Variants in CTNNA2 observed in about 807,000 individuals in gnomAD.
CTNNA2 encodes catenin alpha-2.
In CTNNA2, 42 loss-of-function variants were observed where a neutral mutation model predicts 101.0. The ratio of observed to expected loss-of-function variants is 0.42; its 90% CI spans 0.32 to 0.54. The LOEUF (loss-of-function observed/expected upper bound fraction) is 0.54, where lower values mean the gene tolerates loss of function less well. Among genes scored for constraint, CTNNA2 ranks in the 20% least tolerant of loss-of-function variants. CTNNA2 has a pLI of 0.14. For synonymous variants in CTNNA2, 450 were observed against 456.4 expected, an observed-to-expected ratio of 0.99 and a Z score of 0.18; for missense variants, 871 against 1,223.1, an observed-to-expected ratio of 0.71 and a Z score of 4.29.
At chr2:79,463,483 A>T (rs1670901167) in intron 4 of CTNNA2, among the ~76,000 whole-genome samples, 1 of 151,956 alleles carries the variant, frequency 6.6e-6, no homozygotes, top group Admixed American at 6.6e-5. Context: ...GAGTTGACAT[A>T]TATTGTGATG....
intron 7 of CTNNA2, among the ~76,000 whole-genome samples, chr2:80,011,530 A>C (rs974207096): frequency 6.6e-6 from 1 of 152,086 alleles, no homozygotes; most frequent in East Asian, 1.9e-4. Flanking sequence ...TAACTTCAAA[A>C]AAAGAACATC....
chr2:79,886,885 G>A (rs546408294), intron 6 of CTNNA2, among the ~76,000 whole-genome samples: 17 of 151,416 alleles, frequency 1.1e-4, no homozygotes, highest in Non-Finnish European at 2.1e-4. Flanking sequence ...GGAGTGCAGT[G>A]GCATGATCTC....
intron 1 of CTNNA2, among the ~76,000 whole-genome samples, chr2:79,646,524 C>CTTTTTTTTTT (rs67454188): frequency 3.8e-5 from 4 of 106,136 alleles, no homozygotes; most frequent in African/African-American, 7.2e-5. Context: ...TTCTTTCTGT[C>CTTTTTTTTTT]TTTTTTTTTT....
intron 12 of CTNNA2, among the ~76,000 whole-genome samples, chr2:80,567,337 G>A (rs1336549551): frequency 6.6e-6 from 1 of 151,414 alleles, no homozygotes; most frequent in Non-Finnish European, 1.5e-5. Context: ...TATGGCTTCA[G>A]TTTGGGGTAG....
chr2:80,255,934 A>G (rs1672107095), intron 7 of CTNNA2, among the ~76,000 whole-genome samples: 1 of 152,158 alleles, frequency 6.6e-6, no homozygotes, highest in African/African-American at 2.4e-5. Context: ...TGGCAGGTGG[A>G]ATATTCCCAA....
Position 79,914,139 on chromosome 2 carries a change from C to G in CTNNA2, c.1056+4342C>G, listed in dbSNP as rs1444486918. ...CCGAGATCCCGCCACTGCACTCCAG[C>G]CTGGGCGACAGAGCGAGACTCCGTC... On this transcript the variant is annotated intron_variant, in intron 7 of 18. Coordinates refer to ENST00000402739, the MANE Select transcript of CTNNA2 (RefSeq NM_001282597.3). Among the ~76,000 whole-genome samples, 67 of 142,364 alleles carry G rather than the reference C, an allele frequency of 4.7e-4. 1 individual carries two copies. Among genetic ancestry groups the G allele is most frequent in the Admixed American group, 2.6e-3 (33 of 12,872 alleles). The allele number at this position is 142,364 out of a possible 152,430, so 93.4% of individuals were successfully genotyped here.
At chr2:79,357,870 C>T (rs796265237) in intron 3 of CTNNA2, among the ~76,000 whole-genome samples, 14 of 152,058 alleles carry the variant, frequency 9.2e-5, no homozygotes, top group African/African-American at 2.2e-4. Flanking sequence ...TTTTTTAAAG[C>T]GAAGAAGGTG....
chr2:79,447,764 A>G (rs1342985815), intron 4 of CTNNA2, among the ~76,000 whole-genome samples: 1 of 152,070 alleles, frequency 6.6e-6, no homozygotes, highest in Non-Finnish European at 1.5e-5. Context: ...GTGCTTACCC[A>G]ATACTCAGCT....
intron 2 of CTNNA2, among the ~76,000 whole-genome samples, chr2:79,226,610 C>A (rs1674412778): frequency 6.6e-6 from 1 of 152,250 alleles, no homozygotes; most frequent in Admixed American, 6.5e-5. Flanking sequence ...TCATTAAATG[C>A]ACCTCAATCA....
chr2:80,620,324 G>A (rs980699884), intron 18 of CTNNA2, among the ~76,000 whole-genome samples: 1 of 136,690 alleles, frequency 7.3e-6, no homozygotes, highest in African/African-American at 3.4e-5. Context: ...AATTGGTTTC[G>A]GTTTAAAAAT....
At chr2:79,333,458 G>T (rs1676922798) in intron 3 of CTNNA2, among the ~76,000 whole-genome samples, 1 of 151,988 alleles carries the variant, frequency 6.6e-6, no homozygotes, top group Non-Finnish European at 1.5e-5. Context: ...TAAAATTTAG[G>T]TTGGCTGCAA....
At chr2:80,252,115 A>G (rs1332111878) in intron 7 of CTNNA2, among the ~76,000 whole-genome samples, 1 of 152,166 alleles carries the variant, frequency 6.6e-6, no homozygotes, top group Non-Finnish European at 1.5e-5. Flanking sequence ...AAAACATCCT[A>G]TTAGATATTA....
At chr2:80,003,059 A>T (rs1418534265) in intron 7 of CTNNA2, among the ~76,000 whole-genome samples, 2 of 152,112 alleles carry the variant, frequency 1.3e-5, no homozygotes, top group Non-Finnish European at 2.9e-5. Context: ...TTACCTGGTG[A>T]TTAGTGATGA....
At chr2:80,581,209 A>G (rs1022026236) in intron 13 of CTNNA2, among the ~76,000 whole-genome samples, 2 of 152,190 alleles carry the variant, frequency 1.3e-5, no homozygotes, top group African/African-American at 4.8e-5. Flanking sequence ...ATAGGGGCTC[A>G]TATTCAGGCA....
chr2:80,148,315 A>G (rs1573224671), intron 7 of CTNNA2, among the ~76,000 whole-genome samples: 1 of 152,336 alleles, frequency 6.6e-6, no homozygotes, highest in Non-Finnish European at 1.5e-5. Context: ...AGTACAGGGA[A>G]GTTGGGAAAC....
chr2:79,708,818 G>T (rs977153008), intron 2 of CTNNA2, among the ~76,000 whole-genome samples: 1 of 152,092 alleles, frequency 6.6e-6, no homozygotes, highest in Admixed American at 6.5e-5. Flanking sequence ...GACATACAAG[G>T]ACTATGGCTT....
chr2:79,533,554 T>G (rs1672874863), intron 1 of CTNNA2, among the ~76,000 whole-genome samples: 1 of 152,084 alleles, frequency 6.6e-6, no homozygotes, highest in African/African-American at 2.4e-5. Context: ...TAGAGTATAT[T>G]AAATAATATA....
At chr2:79,965,577 A>G (rs1574425716) in intron 7 of CTNNA2, among the ~76,000 whole-genome samples, 2 of 152,140 alleles carry the variant, frequency 1.3e-5, no homozygotes, top group Admixed American at 6.5e-5. Context: ...TAATCCCAGC[A>G]CTTTTGGAGG....
At chr2:80,381,709 T>C (rs1676530629) in intron 7 of CTNNA2, among the ~76,000 whole-genome samples, 1 of 152,178 alleles carries the variant, frequency 6.6e-6, no homozygotes, top group Non-Finnish European at 1.5e-5. Flanking sequence ...TTCTGCCCAC[T>C]GGCACCCACA....
Sources: allele counts gnomAD v4.1 joint callset (sites outside exome capture counted in the v4.1 genomes callset), GRCh38; gene constraint gnomAD v4.1.1; transcripts MANE v1.5; gene names NCBI Gene and HGNC (gene_info 2026-07-23, HGNC 2026-07-21).